Variants in POLN observed in about 807,000 individuals in gnomAD.
POLN encodes DNA polymerase N.
In POLN, 108 loss-of-function variants were observed where a neutral mutation model predicts 113.5. The ratio of observed to expected loss-of-function variants is 0.95; its 90% CI spans 0.81 to 1.12. The LOEUF (loss-of-function observed/expected upper bound fraction) is 1.12. Ranked by LOEUF, POLN falls within the 50% of genes most tolerant of loss-of-function variation. The probability of loss-of-function intolerance (pLI) is 0.00; values close to 1 mark genes in which losing one functional copy is unlikely to be tolerated. For synonymous variants in POLN, 386 were observed against 391.5 expected, an observed-to-expected ratio of 0.99 and a Z score of 0.17; for missense variants, 1,097 against 1,077.1, an observed-to-expected ratio of 1.02 and a Z score of -0.26.
chr4:2,208,548 A>G (rs762515110), intron 4 of POLN, 61 bp from the exon 5 acceptor site: 3 of 1,343,112 alleles, frequency 2.2e-6, no homozygotes, highest in African/African-American at 3.0e-5. Flanking sequence ...TCTATAAACT[A>G]AACTAATTTC....
chr4:2,080,803 T>C, intron 23 of POLN, 155 bp downstream of exon 23: 2 of 1,507,384 alleles, frequency 1.3e-6, no homozygotes, highest in Non-Finnish European at 1.8e-6. Flanking sequence ...CTGCTGTGAG[T>C]AGCCCCCAGG....
At chr4:2,219,807 T>C (rs1734211500) in intron 3 of POLN, among the ~76,000 whole-genome samples, 2 of 152,138 alleles carry the variant, frequency 1.3e-5, no homozygotes, top group Non-Finnish European at 2.9e-5. Flanking sequence ...CTTCACTTAG[T>C]ATGAACCCTC....
intron 6 of POLN, 116 bp from the exon 7 acceptor site, chr4:2,193,432 C>T: frequency 1.6e-6 from 1 of 609,088 alleles, no homozygotes. Context: ...TACACACATT[C>T]ACTAAAGAAT....
At chr4:2,072,480 AG>A (rs767793315) in intron 25 of POLN, among the ~76,000 whole-genome samples, 181 bp from the exon 26 acceptor site, 10 of 152,186 alleles carry the variant, frequency 6.6e-5, no homozygotes, top group Non-Finnish European at 1.3e-4. Flanking sequence ...GCCCAGCAAC[AG>A]GCTTATGCCA....
chr4:2,075,127 C>T (rs1444966113), intron 24 of POLN, among the ~76,000 whole-genome samples: 5 of 152,224 alleles, frequency 3.3e-5, no homozygotes, highest in African/African-American at 4.8e-5. Flanking sequence ...TTTCTAGACC[C>T]CCAAGACATA....
intron 7 of POLN, among the ~76,000 whole-genome samples, chr4:2,189,172 C>T (rs977674389): frequency 2.6e-5 from 4 of 152,044 alleles, no homozygotes; most frequent in African/African-American, 9.7e-5. Flanking sequence ...AAGTCCTCAC[C>T]TACCAATAAC....
At chr4:2,091,471 G>A (rs1730661308) in intron 20 of POLN, among the ~76,000 whole-genome samples, 1 of 152,070 alleles carries the variant, frequency 6.6e-6, no homozygotes, top group African/African-American at 2.4e-5. Flanking sequence ...TCACTCCTTG[G>A]ACACCCTTAG....
chr4:2,081,147 G>C (rs199954419), intron 22 of POLN, 111 bp from the exon 23 acceptor site: 9 of 1,600,126 alleles, frequency 5.6e-6, no homozygotes, highest in Non-Finnish European at 7.6e-6. Flanking sequence ...AGAGGTGCTG[G>C]CTCTGAGCTG....
At chr4:2,143,500 A>AAT (rs1489036041) in intron 16 of POLN, among the ~76,000 whole-genome samples, 2 of 152,210 alleles carry the variant, frequency 1.3e-5, no homozygotes, top group Non-Finnish European at 2.9e-5. Context: ...CCAAATATGA[A>AAT]AGAGATAATG....
At chr4:2,189,642 C>CAAAAAAA (rs1238000727) in intron 7 of POLN, among the ~76,000 whole-genome samples, 4 of 134,492 alleles carry the variant, frequency 3.0e-5, no homozygotes, top group East Asian at 2.2e-4. Context: ...CCATCTCAAA[C>CAAAAAAA]AAAAAAAAAA....
chr4:2,185,156 A>G (rs1418347337), intron 7 of POLN, among the ~76,000 whole-genome samples: 1 of 152,238 alleles, frequency 6.6e-6, no homozygotes, highest in African/African-American at 2.4e-5. Context: ...TAACATCACA[A>G]AAAAAGATAA....
At chr4:2,098,143 G>GA (rs1368270692) in intron 19 of POLN, among the ~76,000 whole-genome samples, 1 of 152,240 alleles carries the variant, frequency 6.6e-6, no homozygotes, top group Non-Finnish European at 1.5e-5. Context: ...GCTGGGTGCA[G>GA]TGGCTCATGC....
intron 3 of POLN, among the ~76,000 whole-genome samples, chr4:2,216,025 A>C (rs531486966): frequency 1.6e-4 from 25 of 152,220 alleles, no homozygotes; most frequent in African/African-American, 6.0e-4. Flanking sequence ...TTTGCCATCA[A>C]ATTTGGGCAG....
Position 2,072,004 on chromosome 4 carries a change from C to G in POLN, c.*110G>C, listed in dbSNP as rs761965442. 7.8e-7 allele frequency: 1 copy of G among 1,284,786 alleles called. No individual in the cohort carries two copies. Among genetic ancestry groups the G allele is most frequent in the Non-Finnish European group, 1.1e-6 (1 of 881,982 alleles). The allele number at this position is 1,284,786 out of a possible 1,614,324, so 79.6% of individuals were successfully genotyped here. ...TTACTCCAGGGGATGGCGGGCCACC[C>G]CAGCCCCAAAGGGTTAATGCGTCCT... On this transcript the variant is annotated 3_prime_UTR_variant, in exon 26 of 26. Coordinates refer to ENST00000511885, the MANE Select transcript of POLN (RefSeq NM_181808.4).
intron 16 of POLN, among the ~76,000 whole-genome samples, chr4:2,148,319 T>C (rs748035659): frequency 6.6e-6 from 1 of 152,026 alleles, no homozygotes. Context: ...TGACCTAATA[T>C]ATGTAATTAT....
chr4:2,188,808 T>C (rs1413700322), intron 7 of POLN, among the ~76,000 whole-genome samples: 3 of 152,102 alleles, frequency 2.0e-5, no homozygotes, highest in African/African-American at 7.2e-5. Context: ...GTAATAGCTA[T>C]GGTAACGTGT....
intron 5 of POLN, among the ~76,000 whole-genome samples, chr4:2,201,345 T>C (rs1176346892): frequency 1.2e-5 from 1 of 83,718 alleles, no homozygotes; most frequent in Non-Finnish European, 2.5e-5. Context: ...AGATGGCATA[T>C]ATAAAAAAAA....
At chr4:2,202,543 A>G (rs1046353296) in intron 5 of POLN, among the ~76,000 whole-genome samples, 9 of 151,842 alleles carry the variant, frequency 5.9e-5, no homozygotes, top group Non-Finnish European at 1.3e-4. Flanking sequence ...GGCCAACATG[A>G]TGAAACTCCG....
At chr4:2,140,547 G>C (rs1242593859) in intron 16 of POLN, among the ~76,000 whole-genome samples, 1 of 152,166 alleles carries the variant, frequency 6.6e-6, no homozygotes, top group Non-Finnish European at 1.5e-5. Context: ...AGGAGTTCAA[G>C]ACCAGCCTGG....
Sources: gnomAD v4.1 joint callset for allele counts (sites outside exome capture counted in the v4.1 genomes callset) on GRCh38, gnomAD v4.1.1 for gene constraint, MANE v1.5 for transcripts, NCBI Gene and HGNC (gene_info 2026-07-23, HGNC 2026-07-21) for gene names.